DCBLD2: variants seen among roughly 807,000 people sequenced by gnomAD.
DCBLD2 encodes discoidin, CUB and LCCL domain containing 2, also known as discoidin, CUB and LCCL domain-containing protein 2.
A neutral mutation model predicts 86.8 loss-of-function variants in DCBLD2; 54 were observed. That is an observed-to-expected ratio of 0.62 (90% CI 0.50 to 0.78). The LOEUF is 0.78. DCBLD2 is among the 30% of genes least tolerant of loss of function. The pLI is 0.00. For synonymous variants in DCBLD2, 354 were observed against 341.3 expected (o/e 1.04, Z -0.41); for missense variants, 908 against 954.2 (o/e 0.95, Z 0.64).
At chr3:98,801,803 G>GC in intron 13 of DCBLD2, 154 bp from the exon 14 acceptor site, 1 of 537,878 alleles carries the variant, frequency 1.9e-6, no homozygotes, top group Admixed American at 3.4e-5. Context: ...AGAACATGCG[G>GC]TGTTTGGTTT....
chr3:98,804,394 C>T (rs1342970683), intron 13 of DCBLD2, among the ~76,000 whole-genome samples: 1 of 152,038 alleles, frequency 6.6e-6, no homozygotes, highest in Non-Finnish European at 1.5e-5. Context: ...GTGGTGATAT[C>T]CCCTTTATCA....
chr3:98,829,933 T>C (rs1043112045), intron 3 of DCBLD2, among the ~76,000 whole-genome samples: 3 of 152,212 alleles, frequency 2.0e-5, no homozygotes, highest in Non-Finnish European at 4.4e-5. Flanking sequence ...ATAATAGCCA[T>C]TCTGACTGGT....
intron 2 of DCBLD2, 73 bp downstream of exon 2, chr3:98,881,467 A>G: frequency 7.4e-7 from 1 of 1,347,362 alleles, no homozygotes; most frequent in Non-Finnish European, 1.1e-6. Flanking sequence ...TGGTTATTTA[A>G]TGTTAATATC....
chr3:98,807,186 G>A lies in DCBLD2; in HGVS notation c.1670+895C>T, dbSNP rs1941856760. ...GGACTCTCCCACGCCAAGCGTACATGCGATGACTCACTATTTTGCCTACAT... is the reference window on the plus strand; with the variant it reads ...GGACTCTCCCACGCCAAGCGTACATACGATGACTCACTATTTTGCCTACAT... On this transcript the variant is annotated intron_variant, in intron 13 of 15. Coordinates refer to ENST00000326840, the MANE Select transcript of DCBLD2 (RefSeq NM_080927.4). Among the ~76,000 whole-genome samples, 4 of 152,114 alleles carry A rather than the reference G, an allele frequency of 2.6e-5. 1 individual carries two copies. In the South Asian group the frequency reaches 8.3e-4, roughly 31 times the overall value.
intron 3 of DCBLD2, among the ~76,000 whole-genome samples, chr3:98,834,996 A>G (rs828626): frequency 0.97 from 141,873 of 145,930 alleles, 68,919 homozygotes; most frequent in East Asian, 1. Flanking sequence ...TTTTTGAGAC[A>G]GAGTTTTGCT....
chr3:98,838,073 G>C (rs1942512953), intron 3 of DCBLD2, among the ~76,000 whole-genome samples: 1 of 136,158 alleles, frequency 7.3e-6, no homozygotes, highest in Non-Finnish European at 1.6e-5. Flanking sequence ...CTCCCGGACG[G>C]CACGGCTGGC....
At chr3:98,849,268 A>G in intron 3 of DCBLD2, 193 bp downstream of exon 3, 1 of 628,296 alleles carries the variant, frequency 1.6e-6, no homozygotes, top group Non-Finnish European at 2.7e-6. Flanking sequence ...AAAGGGAAGT[A>G]ACGTTTATGT....
At chr3:98,826,838 C>T (rs1232000345) in intron 3 of DCBLD2, among the ~76,000 whole-genome samples, 1 of 152,112 alleles carries the variant, frequency 6.6e-6, no homozygotes, top group Non-Finnish European at 1.5e-5. Context: ...AGTGATTTTA[C>T]ATATAAACGC....
chr3:98,801,643 T>C lies in DCBLD2; in HGVS notation c.1677A>G (p.Lys559=). Residue 559 remains lysine (K), a synonymous_variant, in exon 14 of 16, where the codon AAA becomes AAG. Transcript: ENST00000326840. ...GTAAGTCATAGGTGCCTTCAGTTTT[T>C]TTCTTTCTGGAAAAATACAGAAGAG... The part of the protein sequence containing the change: ...VCAWHWRNRK[K]KTEGTYDLPY... 2 of 1,606,690 alleles carry C rather than the reference T, an allele frequency of 1.2e-6. No homozygotes were observed. Among genetic ancestry groups the C allele is most frequent in the African/African-American group, 2.7e-5 (2 of 74,912 alleles).
chr3:98,872,211 T>G (rs986424815), intron 2 of DCBLD2, among the ~76,000 whole-genome samples: 1 of 152,152 alleles, frequency 6.6e-6, no homozygotes, highest in Non-Finnish European at 1.5e-5. Context: ...AGCATGACAG[T>G]ATTGGAAAGT....
At chr3:98,826,767 T>C (rs1942229993) in intron 3 of DCBLD2, among the ~76,000 whole-genome samples, 1 of 152,190 alleles carries the variant, frequency 6.6e-6, no homozygotes. Context: ...CTAAGTCCAG[T>C]TATTTACTAA....
chr3:98,876,708 A>T (rs1427331651), intron 2 of DCBLD2, among the ~76,000 whole-genome samples: 1 of 152,220 alleles, frequency 6.6e-6, no homozygotes, highest in Non-Finnish European at 1.5e-5. Context: ...CACCAAAGAC[A>T]CCTCTAAGAA....
intron 2 of DCBLD2, among the ~76,000 whole-genome samples, chr3:98,856,194 G>A (rs1942927950): frequency 6.6e-6 from 1 of 152,144 alleles, no homozygotes; most frequent in African/African-American, 2.4e-5. Context: ...AGGAATTCTT[G>A]GATGGGGGCA....
intron 12 of DCBLD2, among the ~76,000 whole-genome samples, chr3:98,808,660 A>G (rs566394119): frequency 6.6e-6 from 1 of 152,320 alleles, no homozygotes; most frequent in African/African-American, 2.4e-5. Flanking sequence ...AAAAGTTAAA[A>G]CAACAAAATA....
At chr3:98,848,025 T>C (rs1399990246) in intron 3 of DCBLD2, among the ~76,000 whole-genome samples, 4 of 152,194 alleles carry the variant, frequency 2.6e-5, no homozygotes, top group Admixed American at 1.3e-4. Context: ...GTTTGTTCCA[T>C]AAGTAAGCTT....
intron 13 of DCBLD2, among the ~76,000 whole-genome samples, chr3:98,802,847 T>A (rs965095816): frequency 6.6e-6 from 1 of 152,222 alleles, no homozygotes; most frequent in Non-Finnish European, 1.5e-5. Flanking sequence ...TTGTCAAAGA[T>A]CAGATGGTTG....
intron 2 of DCBLD2, among the ~76,000 whole-genome samples, chr3:98,853,458 CTCAGCTA>C (rs1270493052): frequency 6.6e-6 from 1 of 152,220 alleles, no homozygotes; most frequent in Non-Finnish European, 1.5e-5. Flanking sequence ...AGTCCTGAAG[CTCAGCTA>C]TCATTTATCA....
intron 2 of DCBLD2, among the ~76,000 whole-genome samples, chr3:98,870,806 A>AAAGAAAGAAAAAGAAAGAAAGG (rs1559794673): frequency 4.9e-5 from 6 of 123,300 alleles, no homozygotes; most frequent in Admixed American, 3.2e-4. Flanking sequence ...AGAAAGAAAG[A>AAAGAAAGAAAAAGAAAGAAAGG]AAGAAAGGTA....
intron 3 of DCBLD2, among the ~76,000 whole-genome samples, chr3:98,841,101 G>C (rs1942611982): frequency 6.6e-6 from 1 of 152,156 alleles, no homozygotes; most frequent in Non-Finnish European, 1.5e-5. Context: ...TCTATAAAAA[G>C]AGTTTCTATC....
Sources: gnomAD v4.1 joint callset for allele counts (sites outside exome capture counted in the v4.1 genomes callset) on GRCh38, gnomAD v4.1.1 for gene constraint, MANE v1.5 for transcripts, NCBI Gene and HGNC (gene_info 2026-07-23, HGNC 2026-07-21) for gene names.